MACROD2: variants seen among roughly 807,000 people sequenced by gnomAD.
MACROD2 encodes ADP-ribose glycohydrolase MACROD2.
In MACROD2, 36 loss-of-function variants were observed where a neutral mutation model predicts 70.4. The observed-to-expected ratio is 0.51, with a 90% CI of 0.39 to 0.68. The LOEUF (loss-of-function observed/expected upper bound fraction) is 0.68, where lower values mean the gene tolerates loss of function less well. Ranked by LOEUF, MACROD2 falls within the 30% of genes least tolerant of loss-of-function variation. The pLI, the probability that MACROD2 is intolerant of heterozygous loss-of-function variation, is 0.00. For synonymous variants in MACROD2, 172 were observed against 178.8 expected (o/e 0.96, Z 0.30); for missense variants, 496 against 538.4 (o/e 0.92, Z 0.78).
At chr20:14,152,824 GT>G (rs2055043902) in intron 3 of MACROD2, among the ~76,000 whole-genome samples, 1 of 152,094 alleles carries the variant, frequency 6.6e-6, no homozygotes, top group Non-Finnish European at 1.5e-5. Context: ...CAACTCTTGT[GT>G]TTCTGTTGGT....
chr20:15,194,936 A>G (rs1342646907), intron 5 of MACROD2, among the ~76,000 whole-genome samples: 1 of 152,136 alleles, frequency 6.6e-6, no homozygotes, highest in Non-Finnish European at 1.5e-5. Flanking sequence ...GAAGTCTTTC[A>G]GTTTTAACTT....
At chr20:15,790,365 T>G (rs1180089365) in intron 8 of MACROD2, among the ~76,000 whole-genome samples, 2 of 151,946 alleles carry the variant, frequency 1.3e-5, no homozygotes, top group Non-Finnish European at 2.9e-5. Context: ...GCCATTAAAA[T>G]TATTCTAGAA....
chr20:14,361,785 T>TG (rs1491266520), intron 3 of MACROD2, among the ~76,000 whole-genome samples: 1 of 152,172 alleles, frequency 6.6e-6, no homozygotes, highest in African/African-American at 2.4e-5. Flanking sequence ...AGCCAATAGC[T>TG]GATGTGGCAC....
intron 5 of MACROD2, among the ~76,000 whole-genome samples, chr20:15,193,543 G>A (rs1253220566): frequency 6.6e-6 from 1 of 152,120 alleles, no homozygotes; most frequent in Non-Finnish European, 1.5e-5. Flanking sequence ...AGCTACTTGA[G>A]AGGCTGAGGT....
rs995575920 is a variant in MACROD2 at position 15,751,922 on chromosome 20, A to C, written c.646-110823A>C. Among the ~76,000 whole-genome samples, 17 of 151,862 alleles carry C rather than the reference A, an allele frequency of 1.1e-4. No individual in the cohort carries two copies. In the South Asian group the frequency reaches 3.3e-3, roughly 30 times the overall value. ...GTACATCAAATGTGCTGTGAATAAA[A>C]GAATGAGGTACATGGCTTCCATTTC... On this transcript the variant is annotated intron_variant, in intron 8 of 17. Transcript: ENST00000684519.
intron 8 of MACROD2, among the ~76,000 whole-genome samples, chr20:15,703,066 G>A (rs900267410): frequency 6.6e-6 from 1 of 152,178 alleles, no homozygotes; most frequent in South Asian, 2.1e-4. Context: ...TCAATAAACG[G>A]TGCTGGGATA....
intron 6 of MACROD2, among the ~76,000 whole-genome samples, chr20:15,247,852 T>C (rs112255451): frequency 0.17 from 25,642 of 151,962 alleles, 2,520 homozygotes; most frequent in African/African-American, 0.28. Flanking sequence ...CAAGCACCAG[T>C]AGGCCTGGCT....
chr20:15,561,784 G>A (rs1457975907), intron 8 of MACROD2, among the ~76,000 whole-genome samples: 1 of 152,110 alleles, frequency 6.6e-6, no homozygotes, highest in Non-Finnish European at 1.5e-5. Context: ...CCGTAGCCAT[G>A]TGAACCCTGG....
intron 8 of MACROD2, among the ~76,000 whole-genome samples, chr20:15,853,571 G>A (rs2064323636): frequency 6.6e-6 from 1 of 152,128 alleles, no homozygotes; most frequent in South Asian, 2.1e-4. Flanking sequence ...GAGGATGGAG[G>A]CAGAAATATG....
At chr20:14,123,331 A>C (rs1318089672) in intron 3 of MACROD2, among the ~76,000 whole-genome samples, 1 of 152,150 alleles carries the variant, frequency 6.6e-6, no homozygotes, top group Non-Finnish European at 1.5e-5. Flanking sequence ...GTATTTCTGG[A>C]CATATCAACA....
chr20:15,056,910 G>A (rs1212520423), intron 5 of MACROD2, among the ~76,000 whole-genome samples: 1 of 152,126 alleles, frequency 6.6e-6, no homozygotes, highest in Non-Finnish European at 1.5e-5. Flanking sequence ...AAAATAAGTT[G>A]TAACTTTGTT....
At chr20:15,371,338 AAAGT>A (rs1052352136) in intron 6 of MACROD2, among the ~76,000 whole-genome samples, 49 of 152,160 alleles carry the variant, frequency 3.2e-4, no homozygotes, top group African/African-American at 1.1e-3. Context: ...GACAATTTCC[AAAGT>A]AAGTGGGAAG....
intron 5 of MACROD2, among the ~76,000 whole-genome samples, chr20:14,718,163 C>T (rs1287343302): frequency 3.3e-5 from 5 of 151,360 alleles, no homozygotes; most frequent in Non-Finnish European, 7.4e-5. Context: ...CGTGGTGGCA[C>T]GTGCCTGTAA....
At position 15,890,045 on chromosome 20, in the gene MACROD2, C is replaced by G. The variant is rs1006118889; in HGVS notation, c.775+4234C>G. ...TGTATCTGTGACTTTCATTTGCATG[C>G]CCCAAAACACTTCACCTGTGGTATC... On this transcript the variant is annotated intron_variant, in intron 10 of 17. Coordinates refer to ENST00000684519, the MANE Select transcript of MACROD2 (RefSeq NM_001351661.2). Among the ~76,000 whole-genome samples the G allele has an allele frequency of 1.1e-4, 16 of 152,138 alleles. 1 individual carries two copies. The highest frequency in any genetic ancestry group is 1.0e-3 in the Admixed American group (16 of 15,272).
At chr20:15,165,467 C>T (rs951361529) in intron 5 of MACROD2, among the ~76,000 whole-genome samples, 2 of 152,080 alleles carry the variant, frequency 1.3e-5, no homozygotes, top group South Asian at 2.1e-4. Context: ...AAAAGAACAA[C>T]TAGACACAAA....
chr20:15,826,584 A>C (rs1290572609), intron 8 of MACROD2, among the ~76,000 whole-genome samples: 2 of 152,202 alleles, frequency 1.3e-5, no homozygotes, highest in Non-Finnish European at 2.9e-5. Flanking sequence ...TTTTATTCCA[A>C]AGTCAATGGA....
intron 12 of MACROD2, among the ~76,000 whole-genome samples, chr20:15,967,176 C>A (rs908939768): frequency 6.6e-6 from 1 of 152,112 alleles, no homozygotes; most frequent in African/African-American, 2.4e-5. Context: ...ATGTGAGCAA[C>A]CACAGTAATG....
intron 8 of MACROD2, among the ~76,000 whole-genome samples, chr20:15,511,412 C>T (rs1351915381): frequency 6.6e-6 from 1 of 152,006 alleles, no homozygotes; most frequent in East Asian, 1.9e-4. Flanking sequence ...CACTGCTCCT[C>T]GATATAAGCG....
chr20:14,871,021 C>T (rs1486197583), intron 5 of MACROD2, among the ~76,000 whole-genome samples: 2 of 151,974 alleles, frequency 1.3e-5, no homozygotes, highest in African/African-American at 4.8e-5. Context: ...AAATCTTTGC[C>T]CATTCCTATG....
Sources: allele counts gnomAD v4.1 joint callset (sites outside exome capture counted in the v4.1 genomes callset), GRCh38; gene constraint gnomAD v4.1.1; transcripts MANE v1.5; gene names NCBI Gene and HGNC (gene_info 2026-07-23, HGNC 2026-07-21).